The following MAMLD1 variants were observed in gnomAD, a reference collection of about 807,000 sequenced individuals.
MAMLD1 encodes mastermind-like domain-containing protein 1.
In MAMLD1, 14 loss-of-function variants were observed where a neutral mutation model predicts 45.0. The ratio of observed to expected loss-of-function variants is 0.31; its 90% CI spans 0.21 to 0.49. MAMLD1 has a LOEUF of 0.49. Ranked by LOEUF, MAMLD1 falls within the 20% of genes least tolerant of loss-of-function variation. MAMLD1 has a pLI of 0.99. For missense variants in MAMLD1, 543 were observed against 603.6 expected (o/e 0.90, Z 1.05); for synonymous variants, 254 against 247.8 (o/e 1.02, Z -0.24).
intron 1 of MAMLD1, among the ~76,000 whole-genome samples, chrX:150,392,792 CT>C (rs1198933732): frequency 9.2e-6 from 1 of 109,106 alleles, no homozygotes; most frequent in Non-Finnish European, 1.9e-5. Context: ...AAAAAAAATA[CT>C]TTTTTTAACA....
intron 1 of MAMLD1, among the ~76,000 whole-genome samples, chrX:150,390,478 T>G (rs1353312000): frequency 6.2e-5 from 7 of 112,411 alleles, no homozygotes; most frequent in Non-Finnish European, 1.3e-4. Flanking sequence ...TTGTATAATT[T>G]TCTTAGCATT....
At chrX:150,377,405 A>G (rs200427778) in intron 1 of MAMLD1, among the ~76,000 whole-genome samples, 1 of 113,275 alleles carries the variant, frequency 8.8e-6, no homozygotes, top group South Asian at 3.6e-4. Flanking sequence ...ACAGTACATG[A>G]CCTTTAAATC....
intron 1 of MAMLD1, among the ~76,000 whole-genome samples, chrX:150,403,879 G>GAAAGAAATAAGAAAGAA (rs2033885708): frequency 1.2e-5 from 1 of 85,488 alleles, no homozygotes; most frequent in Non-Finnish European, 2.4e-5. Flanking sequence ...AGAAAGAAAG[G>GAAAGAAATAAGAAAGAA]AAAGAAAGAA....
intron 2 of MAMLD1, among the ~76,000 whole-genome samples, chrX:150,461,383 T>A (rs1482475798): frequency 1.8e-5 from 2 of 112,761 alleles, no homozygotes; most frequent in African/African-American, 6.4e-5. Flanking sequence ...GCAGAGCATT[T>A]GGGGGTTACT....
In MAMLD1 at chrX:150,427,327, T is replaced by C. The variant is rs781860196; in HGVS notation, c.-63-18127T>C. On this transcript the variant is annotated intron_variant, in intron 1 of 7. Coordinates refer to ENST00000370401, the MANE Select transcript of MAMLD1 (RefSeq NM_005491.5). ...GTTTGAAGATAGACTTGAATTACTC[T>C]GCCATCAACATTATCTTCACCCAAG... Among the ~76,000 whole-genome samples, 4 of 112,722 alleles carry C rather than the reference T, an allele frequency of 3.5e-5. No homozygotes were observed. In the South Asian group the frequency reaches 1.5e-3, roughly 41 times the overall value.
intron 1 of MAMLD1, among the ~76,000 whole-genome samples, chrX:150,372,348 T>C (rs2032060819): frequency 9.0e-6 from 1 of 111,340 alleles, no homozygotes; most frequent in African/African-American, 3.3e-5. Flanking sequence ...CCTCTGGCAA[T>C]GGTGGGAGGT....
intron 2 of MAMLD1, among the ~76,000 whole-genome samples, chrX:150,451,545 A>G (rs2124611473): frequency 9.0e-6 from 1 of 111,719 alleles, no homozygotes; most frequent in South Asian, 3.8e-4. Context: ...TTTGGGTTAT[A>G]AGCTACCCCT....
intron 1 of MAMLD1, among the ~76,000 whole-genome samples, chrX:150,442,426 A>G (rs144344687): frequency 0.012 from 1,332 of 111,221 alleles, 18 homozygotes; most frequent in Non-Finnish European, 0.019. Flanking sequence ...TGGTTCATGT[A>G]TAGCATTTTT....
At chrX:150,414,115 T>C (rs2034194855) in intron 1 of MAMLD1, among the ~76,000 whole-genome samples, 1 of 105,271 alleles carries the variant, frequency 9.5e-6, no homozygotes, top group Non-Finnish European at 1.9e-5. Context: ...TAACTGAATA[T>C]CTTATGTAGC....
intron 1 of MAMLD1, among the ~76,000 whole-genome samples, chrX:150,389,658 C>T (rs900843958): frequency 3.6e-5 from 4 of 111,995 alleles, no homozygotes; most frequent in African/African-American, 6.5e-5. Flanking sequence ...TTTCAGTTGA[C>T]GATGTATTGT....
At chrX:150,449,041 A>T (rs2035580804) in intron 2 of MAMLD1, among the ~76,000 whole-genome samples, 1 of 111,689 alleles carries the variant, frequency 9.0e-6, no homozygotes, top group African/African-American at 3.3e-5. Flanking sequence ...TCAGCCATTT[A>T]ATATTAAGAA....
chrX:150,436,806 G>T (rs2124583483), intron 1 of MAMLD1, among the ~76,000 whole-genome samples: 1 of 111,808 alleles, frequency 8.9e-6, no homozygotes, highest in South Asian at 3.7e-4. Context: ...AGACACTCTG[G>T]CTTTTTGAGT....
intron 2 of MAMLD1, among the ~76,000 whole-genome samples, chrX:150,456,536 C>T (rs965221515): frequency 1.2e-4 from 13 of 111,423 alleles, no homozygotes; most frequent in Admixed American, 9.5e-4. Flanking sequence ...CTGTGTGGAT[C>T]CCTTTAGCCT....
chrX:150,363,243 T>C (rs2031112060), upstream of MAMLD1: 1 of 112,825 alleles, frequency 8.9e-6, no homozygotes, highest in Non-Finnish European at 1.9e-5. Flanking sequence ...GAAATGCCTA[T>C]CAGTAACTTA....
intron 1 of MAMLD1, among the ~76,000 whole-genome samples, chrX:150,389,029 T>C (rs1302388646): frequency 1.8e-5 from 2 of 110,838 alleles, no homozygotes; most frequent in Non-Finnish European, 3.8e-5. Context: ...ATAACTGCTG[T>C]TTTCATTTTC....
intron 1 of MAMLD1, among the ~76,000 whole-genome samples, chrX:150,381,769 T>C (rs1557401678): frequency 8.9e-6 from 1 of 112,294 alleles, no homozygotes; most frequent in African/African-American, 3.2e-5. Context: ...CCCTAACGCC[T>C]AATGAGATTG....
chrX:150,412,741 G>GTC (rs1489330633), intron 1 of MAMLD1, among the ~76,000 whole-genome samples: 3,183 of 109,751 alleles, frequency 0.029, 56 homozygotes, highest in Non-Finnish European at 0.045. Context: ...ATGAAACAGG[G>GTC]TCTCATTCTG....
In MAMLD1 at chrX:150,399,920, G is replaced by A. The variant is rs139775850; in HGVS notation, c.-64+36390G>A. 5.0e-3 allele frequency among the ~76,000 whole-genome samples: 566 copies of A among 112,344 alleles called. 2 individuals carry two copies. Among genetic ancestry groups the A allele is most frequent in the African/African-American group, 0.018 (547 of 30,935 alleles). On this transcript the variant is annotated intron_variant, in intron 1 of 7. Transcript: ENST00000370401. Reference sequence around the variant, plus strand: ...GAGGCTATTGAGGGGCTGATGAGGAGACATTCATTTTGTAAAACTCTGGCA... The same window carrying A: ...GAGGCTATTGAGGGGCTGATGAGGAAACATTCATTTTGTAAAACTCTGGCA...
At chrX:150,465,950 C>A (rs1557405877) in intron 3 of MAMLD1, among the ~76,000 whole-genome samples, 2 of 112,419 alleles carry the variant, frequency 1.8e-5, no homozygotes, top group Non-Finnish European at 3.8e-5. Flanking sequence ...GAGCAGTGAG[C>A]TATCTCCTGC....
Sources: allele counts gnomAD v4.1 joint callset (sites outside exome capture counted in the v4.1 genomes callset), GRCh38; gene constraint gnomAD v4.1.1; transcripts MANE v1.5; gene names NCBI Gene and HGNC (gene_info 2026-07-23, HGNC 2026-07-21).